Variants in FCHSD2 observed in about 807,000 individuals in gnomAD.
FCHSD2 encodes F-BAR and double SH3 domains protein 2.
A neutral mutation model predicts 108.1 loss-of-function variants in FCHSD2; 38 were observed. That is an observed-to-expected ratio of 0.35 (90% CI 0.27 to 0.46). The LOEUF is 0.46. Ranked by LOEUF, FCHSD2 falls within the 20% of genes least tolerant of loss-of-function variation. The probability of loss-of-function intolerance (pLI) is 1.00; values close to 1 mark genes in which losing one functional copy is unlikely to be tolerated. For missense variants in FCHSD2, 751 were observed against 897.8 expected, an observed-to-expected ratio of 0.84 and a Z score of 2.09; for synonymous variants, 279 against 314.7, an observed-to-expected ratio of 0.89 and a Z score of 1.20.
At chr11:73,103,020 C>G (rs1860260227) in intron 2 of FCHSD2, among the ~76,000 whole-genome samples, 1 of 152,136 alleles carries the variant, frequency 6.6e-6, no homozygotes, top group Non-Finnish European at 1.5e-5. Context: ...ATAAGTGTAT[C>G]TACTGTATGA....
At chr11:73,037,589 G>A (rs549259384) in intron 3 of FCHSD2, among the ~76,000 whole-genome samples, 11 of 152,086 alleles carry the variant, frequency 7.2e-5, no homozygotes, top group South Asian at 2.1e-4. Flanking sequence ...TATTCTTGTC[G>A]TCTTTAGATA....
At chr11:73,050,610 A>T (rs946494290) in intron 3 of FCHSD2, among the ~76,000 whole-genome samples, 1 of 152,180 alleles carries the variant, frequency 6.6e-6, no homozygotes, top group Non-Finnish European at 1.5e-5. Context: ...AGGTGAACAA[A>T]TAAGACATAA....
chr11:72,951,543 G>A (rs1415199883), intron 8 of FCHSD2, among the ~76,000 whole-genome samples: 10 of 152,162 alleles, frequency 6.6e-5, no homozygotes, highest in African/African-American at 9.7e-5. Flanking sequence ...TGAACTGTGG[G>A]ATTGTAAAAT....
chr11:72,963,207 T>C (rs1009151422), intron 8 of FCHSD2, among the ~76,000 whole-genome samples: 7 of 152,210 alleles, frequency 4.6e-5, no homozygotes, highest in African/African-American at 1.7e-4. Context: ...AGGCCCATAG[T>C]AGACCCTCAA....
intron 5 of FCHSD2, among the ~76,000 whole-genome samples, chr11:72,990,531 T>C (rs1382451296): frequency 7.2e-5 from 11 of 152,056 alleles, no homozygotes; most frequent in Non-Finnish European, 1.6e-4. Context: ...GCAATCAAAC[T>C]AGAACTCAGG....
chr11:72,879,805 A>G (rs1210636909), intron 12 of FCHSD2, among the ~76,000 whole-genome samples: 2 of 152,082 alleles, frequency 1.3e-5, no homozygotes, highest in Admixed American at 1.3e-4. Context: ...ATATTCATGT[A>G]ATTGAAATCA....
chr11:72,874,501 T>A (rs1462747217), intron 12 of FCHSD2, among the ~76,000 whole-genome samples: 2 of 152,244 alleles, frequency 1.3e-5, no homozygotes, highest in Non-Finnish European at 2.9e-5. Flanking sequence ...CTAGTATTCA[T>A]TTTAAAACAA....
intron 3 of FCHSD2, among the ~76,000 whole-genome samples, chr11:73,054,652 G>A (rs1419554861): frequency 2.6e-5 from 4 of 151,938 alleles, no homozygotes; most frequent in Non-Finnish European, 5.9e-5. Context: ...GGGGGTGGAG[G>A]AAAGAGAGAA....
chr11:72,979,386 T>C (rs1370813407), intron 8 of FCHSD2, among the ~76,000 whole-genome samples: 1 of 152,018 alleles, frequency 6.6e-6, no homozygotes, highest in African/African-American at 2.4e-5. Flanking sequence ...AGCTAGGAGA[T>C]ATCATATCTT....
chr11:72,892,901 G>A (rs1012623322), intron 10 of FCHSD2, among the ~76,000 whole-genome samples: 31 of 25,290 alleles, frequency 1.2e-3, no homozygotes, highest in African/African-American at 4.3e-3. Flanking sequence ...ACCGTGCGTG[G>A]CTGGTAATTT....
intron 2 of FCHSD2, among the ~76,000 whole-genome samples, chr11:73,097,603 T>C (rs1860118802): frequency 6.6e-6 from 1 of 150,824 alleles, no homozygotes; most frequent in Non-Finnish European, 1.5e-5. Flanking sequence ...CTATTATTTC[T>C]TGTGAGGTGT....
At chr11:72,984,352 G>A (rs1204881688) in intron 7 of FCHSD2, 136 bp from the exon 8 acceptor site, 19 of 685,580 alleles carry the variant, frequency 2.8e-5, no homozygotes, top group East Asian at 2.1e-4. Flanking sequence ...ACATTTATAC[G>A]TATATAAAAA....
intron 2 of FCHSD2, among the ~76,000 whole-genome samples, chr11:73,137,412 T>C (rs1325684058): frequency 2.0e-5 from 3 of 152,182 alleles, no homozygotes; most frequent in Non-Finnish European, 4.4e-5. Context: ...GATAGTGTAA[T>C]TAAAGTGATC....
chr11:72,916,290 T>C (rs1447762478), intron 9 of FCHSD2, among the ~76,000 whole-genome samples: 1 of 151,638 alleles, frequency 6.6e-6, no homozygotes, highest in Non-Finnish European at 1.5e-5. Flanking sequence ...ATTGACCTTT[T>C]GGTACACAAC....
chr11:73,020,741 G>A (rs765475607), intron 3 of FCHSD2, among the ~76,000 whole-genome samples: 4 of 151,176 alleles, frequency 2.6e-5, no homozygotes, highest in Non-Finnish European at 4.4e-5. Flanking sequence ...ATTTCATGAC[G>A]AAATGAAATA....
At chr11:72,861,893 T>C (rs984557003) in intron 13 of FCHSD2, among the ~76,000 whole-genome samples, 1 of 149,098 alleles carries the variant, frequency 6.7e-6, no homozygotes, top group Non-Finnish European at 1.5e-5. Context: ...ATCATGCCAT[T>C]GCACTCCAGC....
At chr11:72,888,858 G>A (rs1855254644) in intron 11 of FCHSD2, among the ~76,000 whole-genome samples, 1 of 152,158 alleles carries the variant, frequency 6.6e-6, no homozygotes, top group African/African-American at 2.4e-5. Flanking sequence ...CCTGGTTCAA[G>A]CAATCCACTT....
chr11:72,892,486 G>A (rs1444770973), intron 10 of FCHSD2, among the ~76,000 whole-genome samples: 1 of 152,226 alleles, frequency 6.6e-6, no homozygotes, highest in African/African-American at 2.4e-5. Context: ...CATACAAGGT[G>A]AATACAGCCC....
intron 3 of FCHSD2, among the ~76,000 whole-genome samples, chr11:73,070,320 T>G (rs1261907003): frequency 6.6e-6 from 1 of 152,230 alleles, no homozygotes; most frequent in East Asian, 1.9e-4. Flanking sequence ...CTGATAACAT[T>G]CCAGCACTAA....
Sources: allele counts gnomAD v4.1 joint callset (sites outside exome capture counted in the v4.1 genomes callset), GRCh38; gene constraint gnomAD v4.1.1; transcripts MANE v1.5; gene names NCBI Gene and HGNC (gene_info 2026-07-23, HGNC 2026-07-21).